The following SH3TC2 variants were observed in gnomAD, a reference collection of about 807,000 sequenced individuals.
SH3TC2 encodes SH3 domain and tetratricopeptide repeat-containing protein 2.
SH3TC2 carries 87 observed loss-of-function variants against 124.5 expected under a neutral mutation model. That is an observed-to-expected ratio of 0.70 (90% CI 0.59 to 0.84). SH3TC2 has a LOEUF of 0.84. Ranked by LOEUF, SH3TC2 falls within the 40% of genes least tolerant of loss-of-function variation. The probability of loss-of-function intolerance (pLI) is 0.00; values close to 1 mark genes in which losing one functional copy is unlikely to be tolerated. For synonymous variants in SH3TC2, 634 were observed against 628.5 expected (o/e 1.01, Z -0.13); for missense variants, 1,536 against 1,566.4 (o/e 0.98, Z 0.33).
chr5:149,042,794 CT>C lies in SH3TC2; in HGVS notation c.428del (p.Lys143SerfsTer18). ...CCACCAATATGCAGTTGAGCCAGTA[CT>C]TGTGGTCAAAGAGGAGATGTTCTAG... ...MCLEHLLFDH[K>X]YWLNCILVED... On this transcript the variant is annotated frameshift_variant, in exon 5 of 17. Transcript: ENST00000515425. LOFTEE classifies it high-confidence loss of function. 1 of 1,614,158 alleles carries C rather than the reference CT, an allele frequency of 6.2e-7. No individual in the cohort carries two copies.
intron 1 of SH3TC2, 97 bp downstream of exon 1, chr5:149,062,874 T>G: frequency 1.7e-6 from 2 of 1,179,378 alleles, no homozygotes; most frequent in South Asian, 2.6e-5. Context: ...TCCCCATCTT[T>G]GGGAGAAAAG....
chr5:149,024,731 T>C (rs1053122839), intron 12 of SH3TC2, among the ~76,000 whole-genome samples: 11 of 152,200 alleles, frequency 7.2e-5, no homozygotes, highest in Admixed American at 1.3e-4. Flanking sequence ...AGTAACTTCT[T>C]GGGCCATCTG....
intron 3 of SH3TC2, chr5:149,045,813 A>AT (rs1754452744): frequency 2.5e-5 from 5 of 200,100 alleles, no homozygotes; most frequent in African/African-American, 1.2e-4. Context: ...CGCTTGGCTA[A>AT]TTTTTTGTAT....
chr5:149,004,581 T>C lies in SH3TC2; in HGVS notation c.*130A>G. 2.1e-6 allele frequency: 2 copies of C among 960,012 alleles called. No individual in the cohort carries two copies. Among genetic ancestry groups the C allele is most frequent in the East Asian group, 2.6e-5 (1 of 37,956 alleles). 59.5% of individuals were successfully genotyped at this position (960,012 alleles called of 1,614,324 possible). A position where few individuals can be genotyped will look rare whatever the true frequency, so the allele number is the denominator to read the frequency against. Reference sequence around the variant, plus strand: ...TGAGCCCTTCTCCTCCTGGACTTCATTCTTCTTCTTGTGAAATGAGGGGGC... The same window carrying C: ...TGAGCCCTTCTCCTCCTGGACTTCACTCTTCTTCTTGTGAAATGAGGGGGC... On this transcript the variant is annotated 3_prime_UTR_variant, in exon 17 of 17. Transcript: ENST00000515425.
Position 149,033,723 on chromosome 5 carries a change from G to C in SH3TC2, c.1002-2036C>G, listed in dbSNP as rs148858112. 2.1e-3 allele frequency among the ~76,000 whole-genome samples: 322 copies of C among 152,250 alleles called. 2 individuals are homozygous for C. The highest frequency in any genetic ancestry group is 7.5e-3 in the African/African-American group (313 of 41,546). On this transcript the variant is annotated intron_variant, in intron 8 of 16. Transcript: ENST00000515425. ...CCGAGAACACACTTTTCATCTATTT[G>C]AGTCCCTGGAAAACATCAAACACCT...
At position 148,999,587 on chromosome 5, in the gene SH3TC2, G is replaced by T. The variant is rs947360603; in HGVS notation, c.*5124C>A. 6.6e-6 allele frequency among the ~76,000 whole-genome samples: 1 copy of T among 152,168 alleles called. No homozygotes were observed. The highest frequency in any genetic ancestry group is 2.1e-4 in the South Asian group (1 of 4,832). On this transcript the variant is annotated 3_prime_UTR_variant, in exon 17 of 17. Coordinates refer to ENST00000515425, the MANE Select transcript of SH3TC2 (RefSeq NM_024577.4). ...TGAAAAACAAGGAAAGGCAGAAACC[G>T]TCATAGACCAGAGATGCATAGGGAA... is the stretch of plus-strand genomic sequence containing the variant.
chr5:149,021,644 C>A (rs1325035278), intron 12 of SH3TC2, among the ~76,000 whole-genome samples: 1 of 151,554 alleles, frequency 6.6e-6, no homozygotes, highest in African/African-American at 2.4e-5. Context: ...TGTATACCAA[C>A]AAATTAGTTA....
intron 1 of SH3TC2, among the ~76,000 whole-genome samples, chr5:149,055,025 A>AT (rs1222811116): frequency 1.3e-5 from 2 of 152,198 alleles, no homozygotes; most frequent in Admixed American, 1.3e-4. Context: ...CTGTATCAGA[A>AT]TTTTTTAGAT....
rs1754425732 is a variant in SH3TC2 at position 149,044,543 on chromosome 5, G to T, written c.375C>A (p.Tyr125Ter). 3 of 1,613,506 alleles carry T rather than the reference G, an allele frequency of 1.9e-6. No homozygotes were observed. The highest frequency in any genetic ancestry group is 2.5e-6 in the Non-Finnish European group (3 of 1,179,652). The change falls in exon 4 of 17, where the codon TAC becomes TAA. Residue 125 changes from tyrosine to a stop codon, truncating the protein, a stop_gained. Transcript: ENST00000515425. LOFTEE classifies it high-confidence loss of function. ...TMEEIWKFST[Y>*]LNLGYVSMCL... ...TGCCTTGTACCATACCTAAATTAAG[G>T]TAGGTGGAGAACTTCCAGATTTCCT...
Position 149,040,668 on chromosome 5 carries a change from T to C in SH3TC2, c.741A>G (p.Leu247=). Residue 247 remains leucine (L), a synonymous_variant, in exon 7 of 17, where the codon CTA becomes CTG. Transcript: ENST00000515425. The part of the protein sequence containing the change: ...PLPLPFHQWF[L]KNYPGSCGLS... ...GGCCACAGCTTCCTGGATAATTCTT[T>C]AGGAACCACCTGCCAATGAAAACAT... The C allele has an allele frequency of 1.2e-6, 2 of 1,614,120 alleles. No homozygotes were observed. Among genetic ancestry groups the C allele is most frequent in the Non-Finnish European group, 1.7e-6 (2 of 1,179,990 alleles).
intron 12 of SH3TC2, among the ~76,000 whole-genome samples, chr5:149,024,410 G>A (rs962635548): frequency 2.0e-5 from 3 of 152,138 alleles, no homozygotes; most frequent in Non-Finnish European, 2.9e-5. Flanking sequence ...TAAAAGCTTA[G>A]GTCTCTGATT....
chr5:149,010,186 G>A (rs1032891842), intron 14 of SH3TC2, 84 bp downstream of exon 14: 9 of 1,578,998 alleles, frequency 5.7e-6, no homozygotes, highest in African/African-American at 2.7e-5. Flanking sequence ...GAGAGGAGAA[G>A]AGGGACTCAG....
rs1168437523 is a variant in SH3TC2 at position 148,987,840 on chromosome 5, T to C, written c.*16871A>G. Among the ~76,000 whole-genome samples the C allele has an allele frequency of 5.3e-5, 8 of 151,644 alleles. No individual in the cohort carries two copies. Among genetic ancestry groups the C allele is most frequent in the Non-Finnish European group, 1.2e-4 (8 of 67,892 alleles). Reference sequence around the variant, plus strand: ...GTGTGTGTGTGTGTGTGTGTGTGTGTGTGTGTGTGTGTGTGTTCTTTAGAT... The same window carrying C: ...GTGTGTGTGTGTGTGTGTGTGTGTGCGTGTGTGTGTGTGTGTTCTTTAGAT... On this transcript the variant is annotated 3_prime_UTR_variant, in exon 17 of 17. Coordinates refer to ENST00000515425, the MANE Select transcript of SH3TC2 (RefSeq NM_024577.4).
chr5:149,036,469 G>C (rs992445490), intron 8 of SH3TC2, among the ~76,000 whole-genome samples: 1 of 152,068 alleles, frequency 6.6e-6, no homozygotes, highest in African/African-American at 2.4e-5. Context: ...CATCCTCCAG[G>C]GTTCTTCCCC....
chr5:149,001,648 T>C lies in SH3TC2; in HGVS notation c.*3063A>G, dbSNP rs1340110727. ...TTTAGCAAGCGGTTTACATATAGAATGTAGTAATTGCAATTATATAGCACA... is the reference window on the plus strand; with the variant it reads ...TTTAGCAAGCGGTTTACATATAGAACGTAGTAATTGCAATTATATAGCACA... On this transcript the variant is annotated 3_prime_UTR_variant, in exon 17 of 17. Transcript: ENST00000515425. 6.6e-6 allele frequency: 1 copy of C among 152,226 alleles called. No homozygotes were observed. Among genetic ancestry groups the C allele is most frequent in the Non-Finnish European group, 1.5e-5 (1 of 68,050 alleles). 9.4% of individuals were successfully genotyped at this position (152,226 alleles called of 1,614,324 possible). A position where few individuals can be genotyped will look rare whatever the true frequency, so the allele number is the denominator to read the frequency against.
intron 15 of SH3TC2, chr5:149,007,558 C>G: frequency 4.0e-6 from 1 of 251,538 alleles, no homozygotes; most frequent in Non-Finnish European, 7.7e-6. Flanking sequence ...TCTCTCTCTT[C>G]AGAGAATTAT....
chr5:149,048,160 T>C (rs1427556130), intron 2 of SH3TC2, 171 bp from the exon 3 acceptor site: 1 of 882,316 alleles, frequency 1.1e-6, no homozygotes, highest in Non-Finnish European at 1.7e-6. Flanking sequence ...CTTTAAATGG[T>C]CCTCCCTTGA....
At position 148,982,496 on chromosome 5, in the gene SH3TC2, C is replaced by T. The variant is rs1416717065; in HGVS notation, c.*22215G>A. ...ACAGTATCAAAAATAACCAAATTGA[C>T]ACCACTAGAGAACCAGCTAAATAAA... On this transcript the variant is annotated 3_prime_UTR_variant, in exon 17 of 17. Coordinates refer to ENST00000515425, the MANE Select transcript of SH3TC2 (RefSeq NM_024577.4). 6.6e-6 allele frequency among the ~76,000 whole-genome samples: 1 copy of T among 152,180 alleles called. No homozygotes were observed. The highest frequency in any genetic ancestry group is 1.5e-5 in the Non-Finnish European group (1 of 68,026).
At chr5:149,018,199 A>G (rs1186353211) in intron 12 of SH3TC2, among the ~76,000 whole-genome samples, 2 of 152,126 alleles carry the variant, frequency 1.3e-5, no homozygotes, top group African/African-American at 4.8e-5. Flanking sequence ...TTAGTAAACA[A>G]TGCATGCTCA....
Sources: allele counts gnomAD v4.1 joint callset (sites outside exome capture counted in the v4.1 genomes callset), GRCh38; gene constraint gnomAD v4.1.1; transcripts MANE v1.5; gene names NCBI Gene and HGNC (gene_info 2026-07-23, HGNC 2026-07-21).